The following ATAD3B variants were observed in gnomAD, a reference collection of about 807,000 sequenced individuals.
ATAD3B encodes the protein ATPase family AAA domain containing 3B, also known as ATPase family AAA domain-containing protein 3B.
ATAD3B carries 59 observed loss-of-function variants against 70.2 expected under a neutral mutation model. The ratio of observed to expected loss-of-function variants is 0.84; its 90% CI spans 0.68 to 1.04. The LOEUF is 1.04. Among genes scored for constraint, ATAD3B ranks in the 50% least tolerant of loss-of-function variants. ATAD3B has a pLI of 0.00. For missense variants in ATAD3B, 961 were observed against 913.4 expected (o/e 1.05, Z -0.67); for synonymous variants, 423 against 388.6 (o/e 1.09, Z -1.04).
At position 1,485,036 on chromosome 1, in the gene ATAD3B, G is replaced by C; in HGVS notation, c.771G>C (p.Leu257=). The change falls in exon 8 of 16, where the codon CTG becomes CTC. Residue 257 remains leucine (L), a synonymous_variant. Coordinates refer to ENST00000673477, the MANE Select transcript of ATAD3B (RefSeq NM_031921.6). ...VTATVAGLTL[L]AVGVYSAKNA... The stretch of plus-strand genomic sequence containing the variant: ...TGCAGGTGGCTGGGCTGACGCTGCT[G>C]GCTGTCGGGGTCTACTCAGCCAAGA... 2 of 1,603,468 alleles carry C rather than the reference G, an allele frequency of 1.2e-6. No homozygotes were observed. The highest frequency in any genetic ancestry group is 8.5e-7 in the Non-Finnish European group (1 of 1,176,590).
chr1:1,494,496 G>A (rs1370871711), intron 15 of ATAD3B, among the ~76,000 whole-genome samples: 1 of 151,316 alleles, frequency 6.6e-6, no homozygotes. Flanking sequence ...TCCGGCTCTG[G>A]TCAGTGTCTC....
At chr1:1,485,863 G>A in intron 9 of ATAD3B, 25 bp downstream of exon 9, 1 of 1,612,746 alleles carries the variant, frequency 6.2e-7, no homozygotes, top group Non-Finnish European at 8.5e-7. Flanking sequence ...CTGGGACCGG[G>A]GAGGTGCAGG....
chr1:1,471,768 T>G lies in ATAD3B; in HGVS notation c.-117T>G, dbSNP rs886808411. 3.7e-5 allele frequency: 44 copies of G among 1,202,620 alleles called. No individual in the cohort carries two copies. Among genetic ancestry groups the G allele is most frequent in the African/African-American group, 2.7e-4 (17 of 63,126 alleles). The allele number at this position is 1,202,620 out of a possible 1,614,324, so 74.5% of individuals were successfully genotyped here. ...TCGCCGGGAGGAAGGGGTGTGTGTT[T>G]CGCCTGCGCAGTGGTCCTGGCCACC... On this transcript the variant is annotated 5_prime_UTR_variant, in exon 1 of 16. Transcript: ENST00000673477.
chr1:1,505,618 A>G, the ATAD3B span, among the ~76,000 whole-genome samples: 1 of 152,114 alleles, frequency 6.6e-6, no homozygotes, highest in Admixed American at 6.5e-5. Flanking sequence ...GTGCCTTCCC[A>G]GGCGCTGGCG....
chr1:1,502,575 G>A (rs1392425015), downstream of ATAD3B, among the ~76,000 whole-genome samples: 3 of 115,998 alleles, frequency 2.6e-5, no homozygotes, highest in South Asian at 5.9e-4. Flanking sequence ...CCAGTGGCAC[G>A]ATCTTGTCTC....
chr1:1,473,511 T>C (rs1639438756), intron 1 of ATAD3B, among the ~76,000 whole-genome samples: 1 of 145,364 alleles, frequency 6.9e-6, no homozygotes, highest in Admixed American at 6.9e-5. Context: ...ACCTTTTTTT[T>C]TTTAAGATGA....
chr1:1,487,487 C>CAAA (rs1361376015), intron 11 of ATAD3B, among the ~76,000 whole-genome samples: 3 of 100,922 alleles, frequency 3.0e-5, no homozygotes, highest in South Asian at 6.4e-4. Flanking sequence ...GACTCTGTCT[C>CAAA]AAAAAAAAAA....
In ATAD3B at chr1:1,482,245, C is replaced by T. The variant is rs1171509566; in HGVS notation, c.622C>T (p.Arg208Cys). The change falls in exon 6 of 16, where the codon CGC becomes TGC. Residue 208 changes from arginine (R) to cysteine (C), a missense_variant. Transcript: ENST00000673477. ...KAERENADII[R>C]EQIRLKASEH... is the part of the protein sequence containing the mutation. ...CGAGCGGGAGAATGCAGACATCATC[C>T]GCGAGCAGATCCGCCTGAAGGCGTC... is the stretch of plus-strand genomic sequence containing the variant. The T allele has an allele frequency of 1.2e-5, 19 of 1,611,400 alleles. No individual in the cohort carries two copies. The highest frequency in any genetic ancestry group is 3.3e-5 in the Admixed American group (2 of 59,916).
intron 15 of ATAD3B, among the ~76,000 whole-genome samples, chr1:1,493,987 T>C (rs1640656333): frequency 6.6e-6 from 1 of 152,012 alleles, no homozygotes; most frequent in African/African-American, 2.4e-5. Context: ...GGAGTGGTAC[T>C]GATTCTTCTT....
At chr1:1,505,110 C>T in the ATAD3B span, among the ~76,000 whole-genome samples, 2 of 152,052 alleles carry the variant, frequency 1.3e-5, no homozygotes, top group Admixed American at 6.6e-5. Context: ...CGGTAGTGGC[C>T]CCGAGTGCCA....
intron 4 of ATAD3B, among the ~76,000 whole-genome samples, chr1:1,479,396 GCA>G (rs559593951): frequency 2.1e-5 from 3 of 139,910 alleles, no homozygotes; most frequent in Admixed American, 7.3e-5. Context: ...GCACACATGG[GCA>G]CACACACACC....
intron 2 of ATAD3B, 129 bp downstream of exon 2, chr1:1,477,479 C>G: frequency 6.8e-7 from 1 of 1,460,276 alleles, no homozygotes; most frequent in Non-Finnish European, 9.3e-7. Context: ...CAGGGCCGAG[C>G]TTGGGCGCCT....
At chr1:1,492,792 AT>A (rs774625033) in intron 15 of ATAD3B, among the ~76,000 whole-genome samples, 9 of 151,658 alleles carry the variant, frequency 5.9e-5, no homozygotes, top group Non-Finnish European at 1.0e-4. Context: ...TAAAAAAATT[AT>A]CCAGGCGTGG....
In ATAD3B at chr1:1,495,680, T is replaced by A. The variant is rs9792997; in HGVS notation, c.1810T>A (p.Tyr604Asn). The A allele has an allele frequency of 6.6e-7, 1 of 1,517,392 alleles. No homozygotes were observed. Among genetic ancestry groups the A allele is most frequent in the Non-Finnish European group, 9.0e-7 (1 of 1,107,922 alleles). The allele number at this position is 1,517,392 out of a possible 1,614,324, so 94.0% of individuals were successfully genotyped here. The change falls in exon 16 of 16, where the codon TAC (tyrosine) becomes AAC (asparagine). Residue 604 changes from tyrosine to asparagine, a missense_variant. Tyr to Asn is a moderately radical substitution (Grantham distance 143). Coordinates refer to ENST00000673477, the MANE Select transcript of ATAD3B (RefSeq NM_031921.6). ...ATGGAGCCTGGCCACGGACCCCTCC[T>A]ACCCCTGCCTTGCCGGCCCCTGCAC... ...TSWSLATDPS[Y>N]PCLAGPCTFR...
At chr1:1,487,816 G>T (rs1260172918) in intron 11 of ATAD3B, 47 bp from the exon 12 acceptor site, 1 of 1,606,496 alleles carries the variant, frequency 6.2e-7, no homozygotes, top group South Asian at 1.1e-5. Flanking sequence ...GCTGTGGGCT[G>T]CTCCTGGCGT....
At chr1:1,491,344 A>C (rs555052891) in intron 15 of ATAD3B, among the ~76,000 whole-genome samples, 2 of 151,998 alleles carry the variant, frequency 1.3e-5, no homozygotes, top group African/African-American at 4.8e-5. Flanking sequence ...CATCCTGGCC[A>C]ATATGTCGAA....
In ATAD3B at chr1:1,482,235, A is replaced by C; in HGVS notation, c.612A>C (p.Ala204=). The change falls in exon 6 of 16, where the codon GCA becomes GCC. Residue 204 remains alanine (A), a synonymous_variant. Coordinates refer to ENST00000673477, the MANE Select transcript of ATAD3B (RefSeq NM_031921.6). ...RARAKAEREN[A]DIIREQIRLK... ...GCGCCAAGGCCGAGCGGGAGAATGC[A>C]GACATCATCCGCGAGCAGATCCGCC... 1 of 1,611,602 alleles carries C rather than the reference A, an allele frequency of 6.2e-7. No individual in the cohort carries two copies. Among genetic ancestry groups the C allele is most frequent in the Non-Finnish European group, 8.5e-7 (1 of 1,179,354 alleles).
rs910124832 is a variant in ATAD3B, at chr1:1,496,280, A to G, written c.*463A>G. On this transcript the variant is annotated 3_prime_UTR_variant, in exon 16 of 16. Coordinates refer to ENST00000673477, the MANE Select transcript of ATAD3B (RefSeq NM_031921.6). ...GCGTCCTCCTGGGGTCAAAGGTGAC[A>G]TAAGAGGCAGAGGCTGGAGCTTTCT... 73 of 975,484 alleles carry G rather than the reference A, an allele frequency of 7.5e-5. 2 individuals are homozygous for G. The African/African-American group carries it at 7.7e-4, about 10-fold the overall frequency. The allele number at this position is 975,484 out of a possible 1,614,324, so 60.4% of individuals were successfully genotyped here. A position where few individuals can be genotyped will look rare whatever the true frequency, so the allele number is the denominator to read the frequency against.
intron 2 of ATAD3B, among the ~76,000 whole-genome samples, chr1:1,477,860 C>T (rs1639676982): frequency 2.0e-5 from 3 of 152,178 alleles, no homozygotes; most frequent in Admixed American, 1.3e-4. Context: ...CACGCGCCAC[C>T]ACGCCTGGCT....
Sources: gnomAD v4.1 joint callset for allele counts (sites outside exome capture counted in the v4.1 genomes callset) on GRCh38, gnomAD v4.1.1 for gene constraint, MANE v1.5 for transcripts, NCBI Gene and HGNC (gene_info 2026-07-23, HGNC 2026-07-21) for gene names.